The following CGNL1 variants were observed in gnomAD, a reference collection of about 807,000 sequenced individuals.
CGNL1 encodes cingulin like 1, also known as cingulin-like protein 1.
Under a neutral mutation model 141.2 loss-of-function variants are expected in CGNL1, and 132 were observed. The ratio of observed to expected loss-of-function variants is 0.93; its 90% CI spans 0.81 to 1.08. CGNL1 has a LOEUF of 1.08. CGNL1 is among the 50% of genes least tolerant of loss of function. The pLI is 0.00. For missense variants in CGNL1, 1,870 were observed against 1,588.6 expected (o/e 1.18, Z -3.01); for synonymous variants, 690 against 622.1 (o/e 1.11, Z -1.63).
intron 1 of CGNL1, among the ~76,000 whole-genome samples, chr15:57,436,535 T>G (rs1352736789): frequency 6.6e-6 from 1 of 152,190 alleles, no homozygotes; most frequent in Non-Finnish European, 1.5e-5. Flanking sequence ...TGTCTTAAGC[T>G]GCTATGTGGG....
intron 8 of CGNL1, among the ~76,000 whole-genome samples, chr15:57,485,051 C>T (rs1040711740): frequency 2.0e-5 from 3 of 151,078 alleles, no homozygotes; most frequent in South Asian, 4.2e-4. Flanking sequence ...GTAGGAGCTT[C>T]GATTATTGAA....
chr15:57,433,433 A>G (rs570932640), intron 1 of CGNL1, among the ~76,000 whole-genome samples: 1 of 152,344 alleles, frequency 6.6e-6, no homozygotes, highest in East Asian at 1.9e-4. Context: ...ATGGCAGTGG[A>G]GGCTTTGGTG....
chr15:57,534,571 A>AT (rs2032143990), intron 14 of CGNL1, among the ~76,000 whole-genome samples: 1 of 152,196 alleles, frequency 6.6e-6, no homozygotes, highest in Non-Finnish European at 1.5e-5. Flanking sequence ...ATGGGCCCTG[A>AT]TTCTGAGCTC....
At chr15:57,490,243 G>A (rs2063840301) in intron 8 of CGNL1, among the ~76,000 whole-genome samples, 1 of 152,036 alleles carries the variant, frequency 6.6e-6, no homozygotes, top group African/African-American at 2.4e-5. Flanking sequence ...TATTAAATGG[G>A]GATACTGGAT....
intron 17 of CGNL1, 37 bp downstream of exon 17, chr15:57,545,737 A>G: frequency 6.5e-7 from 1 of 1,544,198 alleles, no homozygotes; most frequent in Non-Finnish European, 8.9e-7. Flanking sequence ...CTTAGATGAG[A>G]TTGCGTGTCT....
intron 1 of CGNL1, among the ~76,000 whole-genome samples, chr15:57,387,215 T>G (rs538978439): frequency 6.6e-5 from 10 of 152,210 alleles, no homozygotes; most frequent in Non-Finnish European, 1.2e-4. Flanking sequence ...GCATCTGGCT[T>G]CTTTCACTTA....
chr15:57,431,931 G>A (rs559896215), intron 1 of CGNL1, among the ~76,000 whole-genome samples: 1 of 152,164 alleles, frequency 6.6e-6, no homozygotes, highest in South Asian at 2.1e-4. Context: ...CCCACTCAGG[G>A]GAAATTACTT....
intron 8 of CGNL1, among the ~76,000 whole-genome samples, chr15:57,504,247 A>G (rs921013885): frequency 6.6e-6 from 1 of 152,226 alleles, no homozygotes; most frequent in African/African-American, 2.4e-5. Flanking sequence ...CCTGTATGTC[A>G]GGTACTATCA....
At chr15:57,468,422 G>A (rs1595735961) in intron 8 of CGNL1, among the ~76,000 whole-genome samples, 2 of 151,632 alleles carry the variant, frequency 1.3e-5, no homozygotes, top group Admixed American at 1.3e-4. Flanking sequence ...TGTAAAGACA[G>A]GGTTTTACCA....
intron 8 of CGNL1, among the ~76,000 whole-genome samples, chr15:57,507,636 A>G (rs1304788694): frequency 6.6e-6 from 1 of 152,262 alleles, no homozygotes; most frequent in Non-Finnish European, 1.5e-5. Flanking sequence ...TAAGCAAGGT[A>G]TATGTAAACT....
intron 8 of CGNL1, among the ~76,000 whole-genome samples, chr15:57,513,537 T>A (rs2030521169): frequency 6.6e-6 from 1 of 152,192 alleles, no homozygotes; most frequent in South Asian, 2.1e-4. Context: ...TTCTTTTTTT[T>A]GAGATGGAGT....
chr15:57,544,078 A>G (rs978362921), intron 15 of CGNL1, among the ~76,000 whole-genome samples: 1 of 152,160 alleles, frequency 6.6e-6, no homozygotes. Context: ...TGGCTCAGAA[A>G]ACTTCATCGG....
In CGNL1 at chr15:57,400,741, G is replaced by T. The variant is rs562713744; in HGVS notation, c.-16+24174G>T. On this transcript the variant is annotated intron_variant, in intron 1 of 18. Transcript: ENST00000281282. ...CTACTAAAAATACAAAATTTAGCTA[G>T]GCTTGGTGGCGCCTGCCTGTAATCC... Among the ~76,000 whole-genome samples the T allele has an allele frequency of 7.2e-5, 11 of 151,956 alleles. No homozygotes were observed. In the East Asian group the frequency reaches 2.1e-3, roughly 29 times the overall value.
At chr15:57,379,295 C>G (rs547319779) in intron 1 of CGNL1, among the ~76,000 whole-genome samples, 2 of 152,216 alleles carry the variant, frequency 1.3e-5, no homozygotes, top group East Asian at 3.9e-4. Context: ...ACATTTATTG[C>G]AATTTCTCAC....
intron 1 of CGNL1, among the ~76,000 whole-genome samples, chr15:57,401,231 G>C (rs1471367168): frequency 1.3e-5 from 2 of 152,058 alleles, no homozygotes; most frequent in African/African-American, 4.8e-5. Flanking sequence ...TGGATATTTG[G>C]ACTATTATAA....
Position 57,452,248 on chromosome 15 carries a change from A to G in CGNL1, c.2013A>G (p.Arg671=). 2 of 1,613,986 alleles carry G rather than the reference A, an allele frequency of 1.2e-6. No homozygotes were observed. Among genetic ancestry groups the G allele is most frequent in the Non-Finnish European group, 1.7e-6 (2 of 1,179,928 alleles). The change falls in exon 6 of 19, where the codon CGA becomes CGG. Residue 671 remains arginine, a synonymous_variant. Coordinates refer to ENST00000281282, the MANE Select transcript of CGNL1 (RefSeq NM_032866.5). ...AGGAGAACTCCACATTGCAGCAACG[A>G]CTGGAAGAAAGTGAAGGGGAGCTCC... ...KVEENSTLQQ[R]LEESEGELRK... is the part of the protein sequence containing the mutation.
At chr15:57,406,172 C>T (rs1242740815) in intron 1 of CGNL1, 1 of 152,418 alleles carries the variant, frequency 6.6e-6, no homozygotes, top group Non-Finnish European at 1.5e-5. Flanking sequence ...GCCTTTTCTA[C>T]CAGATGGTCC....
intron 1 of CGNL1, among the ~76,000 whole-genome samples, chr15:57,400,229 A>G (rs192766430): frequency 1.2e-4 from 18 of 152,060 alleles, no homozygotes; most frequent in African/African-American, 4.3e-4. Flanking sequence ...TGAACTCCTG[A>G]CCTCAGGCCC....
intron 8 of CGNL1, among the ~76,000 whole-genome samples, chr15:57,498,430 C>T (rs2063975276): frequency 6.6e-6 from 1 of 151,912 alleles, no homozygotes; most frequent in Admixed American, 6.6e-5. Context: ...GTCTCAAACC[C>T]CTGGGCTTAA....
Sources: gnomAD v4.1 joint callset for allele counts (sites outside exome capture counted in the v4.1 genomes callset) on GRCh38, gnomAD v4.1.1 for gene constraint, MANE v1.5 for transcripts, NCBI Gene and HGNC (gene_info 2026-07-23, HGNC 2026-07-21) for gene names.